Variants in SLC6A6 observed in about 807,000 individuals in gnomAD.
The protein encoded by SLC6A6 is solute carrier family 6 member 6.
In SLC6A6, 16 loss-of-function variants were observed where a neutral mutation model predicts 68.8. The observed-to-expected ratio is 0.23, with a 90% CI of 0.16 to 0.35. The LOEUF is 0.35. Among genes scored for constraint, SLC6A6 ranks in the 10% least tolerant of loss-of-function variants. SLC6A6 has a pLI of 1.00. For missense variants in SLC6A6, 474 were observed against 802.8 expected (o/e 0.59, Z 4.95); for synonymous variants, 312 against 315.4 (o/e 0.99, Z 0.12).
chr3:14,479,314 G>T (rs185930759), intron 13 of SLC6A6, 129 bp downstream of exon 13: 96 of 655,190 alleles, frequency 1.5e-4, no homozygotes, highest in Admixed American at 1.4e-3. Flanking sequence ...CTTCAGCGCT[G>T]CCTGGGAGAG....
chr3:14,479,291 A>G, intron 13 of SLC6A6, 106 bp downstream of exon 13: 1 of 765,704 alleles, frequency 1.3e-6, no homozygotes. Context: ...GCGTGGGCTT[A>G]TAATAAACCC....
At chr3:14,445,446 G>GAAA (rs763384669) in intron 3 of SLC6A6, among the ~76,000 whole-genome samples, 16 of 40,384 alleles carry the variant, frequency 4.0e-4, no homozygotes, top group Non-Finnish European at 6.2e-4. Flanking sequence ...AAGAAAAAAA[G>GAAA]AAAGAAAGAA....
Position 14,481,748 on chromosome 3 carries a change from T to G in SLC6A6, c.1629T>G (p.Ile543Met). ...NKTYVYPNWA[I>M]GLGWSLALSS... The stretch of plus-strand genomic sequence containing the variant: ...CATACGTGTACCCCAACTGGGCCAT[T>G]GGGCTGGGCTGGAGCCTGGCCCTTT... Residue 543 changes from isoleucine to methionine, a missense_variant, in exon 14 of 15, where the codon ATT becomes ATG. Ile to Met is a conservative substitution (Grantham distance 10). Coordinates refer to ENST00000622186, the MANE Select transcript of SLC6A6 (RefSeq NM_003043.6). The surrounding 1 kb of genome is among the most constrained non-coding windows in gnomAD (Gnocchi z 4.7). 1 of 1,613,930 alleles carries G rather than the reference T, an allele frequency of 6.2e-7. No homozygotes were observed. Among genetic ancestry groups the G allele is most frequent in the Non-Finnish European group, 8.5e-7 (1 of 1,179,852 alleles).
intron 1 of SLC6A6, among the ~76,000 whole-genome samples, chr3:14,414,416 G>C (rs1005949044): frequency 3.3e-5 from 5 of 152,196 alleles, no homozygotes; most frequent in Non-Finnish European, 5.9e-5. Context: ...TAGACCCCTT[G>C]GGCTGAGAGC....
Position 14,467,889 on chromosome 3 carries a change from T to C in SLC6A6, c.904T>C (p.Tyr302His), listed in dbSNP as rs1378139236. The change falls in exon 8 of 15, where the codon TAT (tyrosine) becomes CAT (histidine). Residue 302 changes from tyrosine to histidine, a missense_variant. Around this residue, in one of 2 missense-constraint regions of SLC6A6, gnomAD observed 280 missense variants for 533.1 expected, o/e 0.53. Coordinates refer to ENST00000622186, the MANE Select transcript of SLC6A6 (RefSeq NM_003043.6). ...IDAGTQIFFS[Y>H]AICLGAMTSL... ...CGCTGGGACTCAGATATTCTTCTCT[T>C]ATGCCATCTGCCTGGGGGCTATGAC... 1 of 1,613,736 alleles carries C rather than the reference T, an allele frequency of 6.2e-7. No individual in the cohort carries two copies. The highest frequency in any genetic ancestry group is 1.7e-4 in the Middle Eastern group (1 of 6,054).
rs993247577 is a variant in SLC6A6 at position 14,402,741 on chromosome 3, T to G, written c.-160T>G. On this transcript the variant is annotated 5_prime_UTR_variant, in exon 1 of 15. Coordinates refer to ENST00000622186, the MANE Select transcript of SLC6A6 (RefSeq NM_003043.6). The surrounding 1 kb of genome is among the most constrained non-coding windows in gnomAD (Gnocchi z 4.8). ...GAGGACAAGCTGCGCCAAGAGGGAG[T>G]GCGGAGCGTTCACCCAGCGGGTCAG... 7.5e-6 allele frequency: 3 copies of G among 397,578 alleles called. No homozygotes were observed. Among genetic ancestry groups the G allele is most frequent in the African/African-American group, 2.1e-5 (1 of 48,408 alleles). The allele number at this position is 397,578 out of a possible 1,614,324, so 24.6% of individuals were successfully genotyped here.
chr3:14,468,006 A>T lies in SLC6A6; in HGVS notation c.971+50A>T. The T allele has an allele frequency of 1.2e-6, 2 of 1,606,620 alleles. No homozygotes were observed. The highest frequency in any genetic ancestry group is 2.2e-5 in the South Asian group (2 of 90,872). ...GTGGACTTTAGAAATGATGATGATG[A>T]TGTTTAAAGAAAAAGAGAAGTAGGG... On this transcript the variant is annotated intron_variant, in intron 8 of 14. Transcript: ENST00000622186. The surrounding 1 kb of genome is among the most constrained non-coding windows in gnomAD (Gnocchi z 4.5).
intron 5 of SLC6A6, among the ~76,000 whole-genome samples, chr3:14,452,158 G>C (rs1214215670): frequency 2.0e-5 from 3 of 152,302 alleles, no homozygotes; most frequent in Non-Finnish European, 4.4e-5. Flanking sequence ...TTTTCACAGA[G>C]GAGGCAGCAG....
At chr3:14,458,927 C>A (rs1324092836) in intron 6 of SLC6A6, among the ~76,000 whole-genome samples, 1 of 152,170 alleles carries the variant, frequency 6.6e-6, no homozygotes, top group African/African-American at 2.4e-5. Context: ...TTAGGTATAA[C>A]TGATACATTA....
At chr3:14,452,389 A>G (rs1462800544) in intron 5 of SLC6A6, among the ~76,000 whole-genome samples, 1 of 152,248 alleles carries the variant, frequency 6.6e-6, no homozygotes, top group Non-Finnish European at 1.5e-5. Context: ...GCCACGGGAC[A>G]CTGACGATGC....
intron 6 of SLC6A6, among the ~76,000 whole-genome samples, chr3:14,462,131 G>A (rs1700510040): frequency 6.6e-6 from 1 of 152,242 alleles, no homozygotes; most frequent in East Asian, 1.9e-4. Flanking sequence ...CCTGGCAGCA[G>A]CTAGCACCAG....
At chr3:14,447,916 T>A (rs1700166978) in intron 5 of SLC6A6, 100 bp downstream of exon 5, 1 of 1,530,032 alleles carries the variant, frequency 6.5e-7, no homozygotes, top group Admixed American at 2.0e-5. Flanking sequence ...GCCACTGTCT[T>A]CGGGGGAGTG....
rs989749605 is a variant in SLC6A6 at position 14,477,650 on chromosome 3, T to A, written c.1347+308T>A. Among the ~76,000 whole-genome samples, 1 of 152,240 alleles carries A rather than the reference T, an allele frequency of 6.6e-6. No homozygotes were observed. Among genetic ancestry groups the A allele is most frequent in the Admixed American group, 6.5e-5 (1 of 15,288 alleles). On this transcript the variant is annotated intron_variant, in intron 11 of 14. Coordinates refer to ENST00000622186, the MANE Select transcript of SLC6A6 (RefSeq NM_003043.6). The surrounding 1 kb of genome is among the most constrained non-coding windows in gnomAD (Gnocchi z 4.2). ...CACAACATCTCTGTTCACCCCTGAC[T>A]GTGTGCCCTTCTCAGGCCTGGGGGT...
intron 2 of SLC6A6, among the ~76,000 whole-genome samples, chr3:14,435,187 G>A (rs1303548303): frequency 1.3e-5 from 2 of 152,164 alleles, no homozygotes; most frequent in African/African-American, 2.4e-5. Context: ...GCAAATCCTG[G>A]CCCACTGTCC....
rs1165096572 is a variant in SLC6A6, at chr3:14,485,165, TGTGTGTGTGTGTATC to T, written c.*171_*185del. ...TTGTGGGTATGTGTGCGTGCGTGTG[TGTGTGTGTGTGTATC>T]GTGTGTGTGTGTTTTGTTTTGATTT... On this transcript the variant is annotated 3_prime_UTR_variant, in exon 15 of 15. Coordinates refer to ENST00000622186, the MANE Select transcript of SLC6A6 (RefSeq NM_003043.6). 16 of 540,350 alleles carry T rather than the reference TGTGTGTGTGTGTATC, an allele frequency of 3.0e-5. No homozygotes were observed. Among genetic ancestry groups the T allele is most frequent in the Non-Finnish European group, 4.5e-5 (14 of 310,350 alleles). 33.5% of individuals were successfully genotyped at this position (540,350 alleles called of 1,614,324 possible).
At chr3:14,424,574 G>A (rs759922034) in intron 2 of SLC6A6, among the ~76,000 whole-genome samples, 2 of 152,094 alleles carry the variant, frequency 1.3e-5, no homozygotes, top group Non-Finnish European at 2.9e-5. Context: ...GTGGGGTTGG[G>A]TCTGGCTCAG....
chr3:14,416,332 T>C (rs919828141), intron 1 of SLC6A6, 80 bp from the exon 2 acceptor site: 55 of 398,444 alleles, frequency 1.4e-4, no homozygotes, highest in African/African-American at 1.0e-3. Flanking sequence ...TACAAGTGGG[T>C]GGACAATTAG....
intron 10 of SLC6A6, among the ~76,000 whole-genome samples, chr3:14,474,029 G>T (rs1410575198): frequency 6.6e-6 from 1 of 152,174 alleles, no homozygotes; most frequent in Admixed American, 6.5e-5. Context: ...AGAGAATCTG[G>T]TGGGCTCTCA....
chr3:14,477,594 T>C lies in SLC6A6; in HGVS notation c.1347+252T>C, dbSNP rs9845444. 0.12 allele frequency among the ~76,000 whole-genome samples: 18,198 copies of C among 152,300 alleles called. 1,786 individuals are homozygous for C. The highest frequency in any genetic ancestry group is 0.27 in the African/African-American group (11,129 of 41,542). ...TGTGACCACCCGCTGCCCTCTGTCC[T>C]GGGAAGAGGATCTTCAGCTGAAATC... On this transcript the variant is annotated intron_variant, in intron 11 of 14. Coordinates refer to ENST00000622186, the MANE Select transcript of SLC6A6 (RefSeq NM_003043.6). The surrounding 1 kb of genome is among the most constrained non-coding windows in gnomAD (Gnocchi z 4.2).
Sources: gnomAD v4.1 joint callset for allele counts (sites outside exome capture counted in the v4.1 genomes callset) on GRCh38, gnomAD v4.1.1 for gene constraint, gnomAD v4.1.1 regional missense constraint, Gnocchi (gnomAD v3.1) non-coding constraint, MANE v1.5 for transcripts, NCBI Gene and HGNC (gene_info 2026-07-23, HGNC 2026-07-21) for gene names.